PAPPA: variants seen among roughly 807,000 people sequenced by gnomAD.
PAPPA encodes the protein pappalysin-1.
PAPPA carries 60 observed loss-of-function variants against 164.0 expected under a neutral mutation model. The ratio of observed to expected loss-of-function variants is 0.37; its 90% confidence interval spans 0.30 to 0.45. The LOEUF is 0.45. PAPPA is among the 20% of genes least tolerant of loss of function. PAPPA has a pLI of 1.00. For missense variants in PAPPA, 1,782 were observed against 2,087.3 expected (o/e 0.85, Z 2.85); for synonymous variants, 875 against 814.1 (o/e 1.07, Z -1.27).
At chr9:116,362,143 CAT>C (rs1846435735) in intron 17 of PAPPA, among the ~76,000 whole-genome samples, 2 of 152,090 alleles carry the variant, frequency 1.3e-5, no homozygotes. Flanking sequence ...AGAGCCCTGA[CAT>C]AGGATACTTT....
chr9:116,208,956 G>A (rs1844272390), intron 3 of PAPPA, among the ~76,000 whole-genome samples: 1 of 152,124 alleles, frequency 6.6e-6, no homozygotes, highest in Non-Finnish European at 1.5e-5. Flanking sequence ...AATATCTAGA[G>A]ATGTTTTTGC....
At chr9:116,340,910 T>C (rs1302426877) in intron 13 of PAPPA, among the ~76,000 whole-genome samples, 1 of 152,186 alleles carries the variant, frequency 6.6e-6, no homozygotes, top group Non-Finnish European at 1.5e-5. Context: ...TTTTTTCTTT[T>C]ATAGCAAAAA....
intron 2 of PAPPA, among the ~76,000 whole-genome samples, chr9:116,197,513 C>A (rs1844122991): frequency 6.6e-6 from 1 of 152,158 alleles, no homozygotes; most frequent in South Asian, 2.1e-4. Context: ...TTTTATTTTC[C>A]CTTAGGCTCC....
intron 18 of PAPPA, among the ~76,000 whole-genome samples, chr9:116,364,964 A>G (rs893400775): frequency 3.9e-5 from 6 of 152,248 alleles, no homozygotes; most frequent in African/African-American, 1.4e-4. Flanking sequence ...ACTGGAGGAG[A>G]TCAGAGAGAA....
chr9:116,334,238 TAAAAAAAAAA>T (rs397974030), intron 12 of PAPPA, among the ~76,000 whole-genome samples: 1 of 108,974 alleles, frequency 9.2e-6, no homozygotes, highest in Admixed American at 9.9e-5. Flanking sequence ...CTGGCTGCAT[TAAAAAAAAAA>T]AAAAAAAAAA....
In PAPPA at chr9:116,257,545, C is replaced by CA. The variant is rs939679723; in HGVS notation, c.2733-8305dup. On this transcript the variant is annotated intron_variant, in intron 7 of 21. Coordinates refer to ENST00000328252, the MANE Select transcript of PAPPA (RefSeq NM_002581.5). ...TGAAACCCCGTCTCTATTAAAAATA[C>CA]AAAAAAATTAGTGGGGCATGGTGGC... Among the ~76,000 whole-genome samples, 10 of 151,810 alleles carry CA rather than the reference C, an allele frequency of 6.6e-5. No individual in the cohort carries two copies. In the South Asian group the frequency reaches 8.4e-4, roughly 13 times the overall value.
At chr9:116,217,499 T>G (rs1453893034) in intron 4 of PAPPA, among the ~76,000 whole-genome samples, 1 of 152,224 alleles carries the variant, frequency 6.6e-6, no homozygotes, top group East Asian at 1.9e-4. Context: ...CATCTTTGTA[T>G]GTCTATTTTA....
At chr9:116,195,118 G>T (rs960973094) in intron 2 of PAPPA, among the ~76,000 whole-genome samples, 2 of 152,152 alleles carry the variant, frequency 1.3e-5, no homozygotes, top group African/African-American at 2.4e-5. Flanking sequence ...GACTTGTGAA[G>T]TTACTATATG....
chr9:116,375,976 T>A (rs1308932357), intron 19 of PAPPA, among the ~76,000 whole-genome samples: 2 of 152,150 alleles, frequency 1.3e-5, no homozygotes, highest in East Asian at 3.9e-4. Flanking sequence ...TAATCTGGCA[T>A]GAAAACTGGG....
chr9:116,361,694 T>C (rs1368153539), intron 17 of PAPPA, among the ~76,000 whole-genome samples: 1 of 152,164 alleles, frequency 6.6e-6, no homozygotes, highest in Non-Finnish European at 1.5e-5. Context: ...TTGCCCTGCC[T>C]CACTGAACAC....
chr9:116,277,471 T>A (rs1162516068), intron 9 of PAPPA, among the ~76,000 whole-genome samples: 1 of 152,122 alleles, frequency 6.6e-6, no homozygotes, highest in Non-Finnish European at 1.5e-5. Context: ...GGATTCTGGG[T>A]GGAAAGCCTG....
chr9:116,208,822 ATT>A (rs1381526668), intron 3 of PAPPA, among the ~76,000 whole-genome samples: 3 of 151,722 alleles, frequency 2.0e-5, no homozygotes, highest in African/African-American at 7.3e-5. Flanking sequence ...AATGAAACCA[ATT>A]TGTGTGTGTG....
intron 9 of PAPPA, among the ~76,000 whole-genome samples, chr9:116,295,713 C>T (rs1407207518): frequency 6.6e-6 from 1 of 152,104 alleles, no homozygotes; most frequent in Non-Finnish European, 1.5e-5. Flanking sequence ...CATTCCCTTA[C>T]TCAAGTATTG....
chr9:116,274,558 ACAGT>A (rs1845174910), intron 9 of PAPPA, among the ~76,000 whole-genome samples: 2 of 152,208 alleles, frequency 1.3e-5, no homozygotes, highest in Non-Finnish European at 2.9e-5. Flanking sequence ...GGTCAAGATA[ACAGT>A]CAGGAGATCA....
chr9:116,168,896 G>A (rs1843743743), intron 1 of PAPPA, among the ~76,000 whole-genome samples: 1 of 152,168 alleles, frequency 6.6e-6, no homozygotes, highest in South Asian at 2.1e-4. Context: ...GCTCCTTGGA[G>A]CAGAGACCAT....
chr9:116,304,271 A>C (rs897035721), intron 10 of PAPPA, among the ~76,000 whole-genome samples: 6 of 152,254 alleles, frequency 3.9e-5, no homozygotes, highest in Admixed American at 2.0e-4. Context: ...CAAAGGCTAG[A>C]TAGGTGCCCA....
intron 2 of PAPPA, 136 bp downstream of exon 2, chr9:116,188,352 G>A: frequency 1.5e-6 from 1 of 647,182 alleles, no homozygotes; most frequent in Non-Finnish European, 2.7e-6. Flanking sequence ...ATTGAGGCAA[G>A]TCTTTTACTC....
At chr9:116,309,339 G>T (rs1845686430) in intron 10 of PAPPA, among the ~76,000 whole-genome samples, 1 of 152,134 alleles carries the variant, frequency 6.6e-6, no homozygotes, top group East Asian at 1.9e-4. Context: ...GCCTCCCAAA[G>T]TGCTGGGATT....
intron 9 of PAPPA, among the ~76,000 whole-genome samples, chr9:116,301,235 C>T (rs753872607): frequency 3.9e-5 from 6 of 152,084 alleles, no homozygotes; most frequent in Non-Finnish European, 8.8e-5. Flanking sequence ...TTTAATAGCA[C>T]CACTATCATT....
Sources: gnomAD v4.1 joint callset for allele counts (sites outside exome capture counted in the v4.1 genomes callset) on GRCh38, gnomAD v4.1.1 for gene constraint, MANE v1.5 for transcripts, NCBI Gene and HGNC (gene_info 2026-07-23, HGNC 2026-07-21) for gene names.